Variants in ADAMTSL1 observed in about 807,000 individuals in gnomAD.
The protein encoded by ADAMTSL1 is ADAMTS like 1.
ADAMTSL1 carries 126 observed loss-of-function variants against 201.8 expected under a neutral mutation model. The ratio of observed to expected loss-of-function variants is 0.62; its 90% confidence interval spans 0.54 to 0.72. The LOEUF is 0.72. Among genes scored for constraint, ADAMTSL1 ranks in the 30% least tolerant of loss-of-function variants. The pLI is 0.00. For synonymous variants in ADAMTSL1, 1,121 were observed against 903.4 expected, an observed-to-expected ratio of 1.24 and a Z score of -4.32; for missense variants, 2,679 against 2,277.8, an observed-to-expected ratio of 1.18 and a Z score of -3.59.
chr9:18,411,054 G>A (rs1397112614), intron 2 of ADAMTSL1, among the ~76,000 whole-genome samples: 3 of 150,978 alleles, frequency 2.0e-5, no homozygotes, highest in East Asian at 3.9e-4. Context: ...AATAGAAATG[G>A]CGTTTCACCA....
chr9:18,318,034 G>C lies in ADAMTSL1; in HGVS notation c.207+154053G>C, dbSNP rs192844545. Among the ~76,000 whole-genome samples, 958 of 152,010 alleles carry C rather than the reference G, an allele frequency of 6.3e-3. 15 individuals carry two copies. The highest frequency in any genetic ancestry group is 6.8e-3 in the Middle Eastern group (2 of 294). On this transcript the variant is annotated intron_variant, in intron 2 of 29. Coordinates refer to the ADAMTSL1 transcript ENST00000680146. ...TTGGATATAATTTTAATCTTGCTGA[G>C]CCTCTGTTTTCTTTTCTGTAAATTA...
chr9:18,344,984 C>T (rs1396124083), intron 2 of ADAMTSL1, among the ~76,000 whole-genome samples: 1 of 152,134 alleles, frequency 6.6e-6, no homozygotes, highest in African/African-American at 2.4e-5. Context: ...CCACTAAGCT[C>T]AAAGGCATGG....
chr9:18,260,275 G>A (rs954230694), intron 2 of ADAMTSL1, among the ~76,000 whole-genome samples: 1 of 152,200 alleles, frequency 6.6e-6, no homozygotes, highest in African/African-American at 2.4e-5. Context: ...CTCAGAGCAA[G>A]CATGCTTCCA....
chr9:18,007,364 A>G (rs549281670), intron 1 of ADAMTSL1, among the ~76,000 whole-genome samples: 6 of 152,068 alleles, frequency 3.9e-5, no homozygotes, highest in Non-Finnish European at 8.8e-5. Flanking sequence ...ATTTTTGAAC[A>G]GTTCCATGTT....
intron 20 of ADAMTSL1, among the ~76,000 whole-genome samples, chr9:18,799,367 C>G (rs1822631093): frequency 6.6e-6 from 1 of 152,198 alleles, no homozygotes; most frequent in Admixed American, 6.5e-5. Flanking sequence ...ATTCAGCACT[C>G]AGCCATCTTG....
chr9:18,879,445 T>C (rs1008291950), intron 23 of ADAMTSL1, among the ~76,000 whole-genome samples: 1 of 152,170 alleles, frequency 6.6e-6, no homozygotes, highest in African/African-American at 2.4e-5. Flanking sequence ...GGCTTTACAG[T>C]TACATCCTCA....
At chr9:18,726,159 A>C (rs751902433) in intron 15 of ADAMTSL1, among the ~76,000 whole-genome samples, 9 of 152,318 alleles carry the variant, frequency 5.9e-5, no homozygotes, top group South Asian at 2.1e-4. Context: ...ATTTTTAAAA[A>C]TTCAGGACTT....
chr9:17,968,237 C>G (rs1321363328), intron 1 of ADAMTSL1, among the ~76,000 whole-genome samples: 1 of 152,032 alleles, frequency 6.6e-6, no homozygotes, highest in East Asian at 1.9e-4. Context: ...TATTCTATAC[C>G]TCCAGGAAGG....
intron 2 of ADAMTSL1, among the ~76,000 whole-genome samples, chr9:18,297,564 A>G (rs976096295): frequency 6.6e-6 from 1 of 152,172 alleles, no homozygotes; most frequent in African/African-American, 2.4e-5. Flanking sequence ...CAAAAGGAAT[A>G]TGTGTCAAAA....
rs142899459 is a variant in ADAMTSL1, at chr9:18,406,348, A to G, written c.208-98481A>G. Among the ~76,000 whole-genome samples, 3 of 31,020 alleles carry G rather than the reference A, an allele frequency of 9.7e-5. No individual in the cohort carries two copies. In the South Asian group the frequency reaches 2.6e-3, roughly 27 times the overall value. The allele number at this position is 31,020 out of a possible 152,430, so 20.4% of individuals were successfully genotyped here. ...TCTTTTCTTTTCTTTTCTTTTTTTG[A>G]CATGGACTCTCACTCTGTCGCCCAG... is the stretch of plus-strand genomic sequence containing the variant. On this transcript the variant is annotated intron_variant, in intron 2 of 29. Coordinates refer to the ADAMTSL1 transcript ENST00000680146.
intron 22 of ADAMTSL1, among the ~76,000 whole-genome samples, chr9:18,826,732 G>A (rs1824595377): frequency 6.6e-6 from 1 of 152,200 alleles, no homozygotes; most frequent in Non-Finnish European, 1.5e-5. Flanking sequence ...TCTCTATGCG[G>A]AGACTCCAGA....
intron 2 of ADAMTSL1, among the ~76,000 whole-genome samples, chr9:18,171,590 G>T (rs2132126502): frequency 6.6e-6 from 1 of 152,230 alleles, no homozygotes; most frequent in South Asian, 2.1e-4. Flanking sequence ...CCCTTTGTCA[G>T]ATGGACAGAT....
intron 1 of ADAMTSL1, among the ~76,000 whole-genome samples, chr9:17,957,877 A>G (rs769605739): frequency 2.0e-5 from 3 of 152,102 alleles, no homozygotes; most frequent in Non-Finnish European, 4.4e-5. Context: ...GAGAGGAAGA[A>G]TCCTTTTCTA....
intron 7 of ADAMTSL1, among the ~76,000 whole-genome samples, chr9:18,641,803 A>G (rs1054162577): frequency 6.6e-6 from 1 of 151,972 alleles, no homozygotes; most frequent in African/African-American, 2.4e-5. Flanking sequence ...ACTATTATTT[A>G]TCAGTTTTCA....
chr9:18,679,022 T>C (rs898458511), intron 10 of ADAMTSL1, among the ~76,000 whole-genome samples: 92 of 152,272 alleles, frequency 6.0e-4, no homozygotes, highest in African/African-American at 2.1e-3. Flanking sequence ...TTTGGCAGCA[T>C]GTCTTGGCTT....
chr9:18,400,477 G>A (rs1233310938), intron 2 of ADAMTSL1, among the ~76,000 whole-genome samples: 3 of 152,038 alleles, frequency 2.0e-5, no homozygotes, highest in East Asian at 1.9e-4. Flanking sequence ...TTCATAATAC[G>A]CTCTAACAGA....
chr9:18,136,672 G>A (rs1826171881), intron 1 of ADAMTSL1, among the ~76,000 whole-genome samples: 1 of 151,894 alleles, frequency 6.6e-6, no homozygotes, highest in South Asian at 2.1e-4. Context: ...AGAAGGAATG[G>A]CATTCCAAAC....
intron 1 of ADAMTSL1, among the ~76,000 whole-genome samples, chr9:17,967,078 T>C (rs902475982): frequency 3.9e-5 from 6 of 152,122 alleles, no homozygotes; most frequent in Non-Finnish European, 8.8e-5. Flanking sequence ...TAAGTGAGAA[T>C]ACTATTTCAG....
At position 18,775,729 on chromosome 9, in the gene ADAMTSL1, T is replaced by C. The variant is rs1820936841; in HGVS notation, c.2398-14T>C. The stretch of plus-strand genomic sequence containing the variant: ...CCAGAATTTATGTGCATTTGGCCTT[T>C]CTTTCTCCACCAGTGTTCCACAAGC... On this transcript the variant is annotated splice_polypyrimidine_tract_variant and intron_variant, in intron 17 of 28. Coordinates refer to ENST00000380548, the MANE Select transcript of ADAMTSL1 (RefSeq NM_001040272.6). The C allele has an allele frequency of 1.2e-6, 2 of 1,611,256 alleles. No homozygotes were observed. Among genetic ancestry groups the C allele is most frequent in the Non-Finnish European group, 1.7e-6 (2 of 1,178,716 alleles).
Sources: allele counts gnomAD v4.1 joint callset (sites outside exome capture counted in the v4.1 genomes callset), GRCh38; gene constraint gnomAD v4.1.1; transcripts MANE v1.5; gene names NCBI Gene and HGNC (gene_info 2026-07-23, HGNC 2026-07-21).